The following NSUN7 variants were observed in gnomAD, a reference collection of about 807,000 sequenced individuals.
NSUN7 encodes the protein NOP2/Sun RNA methyltransferase family member 7, also known as protein NSUN7.
Under a neutral mutation model 58.5 loss-of-function variants are expected in NSUN7, and 39 were observed. The observed-to-expected ratio is 0.67, with a 90% CI of 0.52 to 0.87. NSUN7 has a LOEUF of 0.87. Ranked by LOEUF, NSUN7 falls within the 40% of genes least tolerant of loss-of-function variation. NSUN7 has a pLI of 0.00. For missense variants in NSUN7, 765 were observed against 844.1 expected, an observed-to-expected ratio of 0.91 and a Z score of 1.16; for synonymous variants, 278 against 303.7, an observed-to-expected ratio of 0.92 and a Z score of 0.88.
rs966494387 is a variant in NSUN7 at position 40,786,789 on chromosome 4, C to T, written c.1037-3813C>T. On this transcript the variant is annotated intron_variant, in intron 7 of 11. Transcript: ENST00000381782. ...TTGACAAATAGAAGAGTGTCTACAG[C>T]GTGGTTTGCCTGCCTGTCTGCCCTC... 44 of 1,410,584 alleles carry T rather than the reference C, an allele frequency of 3.1e-5. No individual in the cohort carries two copies. The East Asian group carries it at 5.1e-4, about 16-fold the overall frequency. The allele number at this position is 1,410,584 out of a possible 1,614,324, so 87.4% of individuals were successfully genotyped here.
chr4:40,799,667 T>C (rs190375110), intron 10 of NSUN7, among the ~76,000 whole-genome samples: 1 of 152,248 alleles, frequency 6.6e-6, no homozygotes, highest in Non-Finnish European at 1.5e-5. Context: ...AGAGTACATA[T>C]ATTGAAGATG....
intron 8 of NSUN7, among the ~76,000 whole-genome samples, chr4:40,791,262 A>G (rs1443119241): frequency 6.6e-6 from 1 of 152,244 alleles, no homozygotes; most frequent in Non-Finnish European, 1.5e-5. Context: ...TGAATGTCTC[A>G]GACTAAATAT....
At chr4:40,768,569 A>T (rs1186076083) in intron 4 of NSUN7, among the ~76,000 whole-genome samples, 1 of 152,188 alleles carries the variant, frequency 6.6e-6, no homozygotes, top group Admixed American at 6.5e-5. Flanking sequence ...CCTCCTTGTA[A>T]AAGTGGTTTG....
intron 10 of NSUN7, among the ~76,000 whole-genome samples, chr4:40,799,528 A>G (rs1041519291): frequency 6.6e-6 from 1 of 152,080 alleles, no homozygotes; most frequent in African/African-American, 2.4e-5. Context: ...GATATGGCAA[A>G]CGTGGAGGAA....
At position 40,763,654 on chromosome 4, in the gene NSUN7, A is replaced by G. The variant is rs1265876795; in HGVS notation, c.488+2353A>G. Among the ~76,000 whole-genome samples the G allele has an allele frequency of 2.6e-5, 4 of 152,166 alleles. No individual in the cohort carries two copies. The East Asian group carries it at 7.7e-4, about 29-fold the overall frequency. ...TGCTGGTGAGGAAAGTAGGAGTAGG[A>G]CAAGCAAAGGGCCTGGTTTAAGAGG... is the stretch of plus-strand genomic sequence containing the variant. On this transcript the variant is annotated intron_variant, in intron 4 of 11. Coordinates refer to ENST00000381782, the MANE Select transcript of NSUN7 (RefSeq NM_024677.6).
In NSUN7 at chr4:40,808,992, C is replaced by A. The variant is rs1744030816; in HGVS notation, c.*53C>A. On this transcript the variant is annotated 3_prime_UTR_variant, in exon 12 of 12. Coordinates refer to ENST00000381782, the MANE Select transcript of NSUN7 (RefSeq NM_024677.6). ...AGAGCAGTTGATTTTTTTTCAAAGT[C>A]TAGTATTTCTCTGAAGATTCTACAT... 2 of 1,439,486 alleles carry A rather than the reference C, an allele frequency of 1.4e-6. No individual in the cohort carries two copies. Among genetic ancestry groups the A allele is most frequent in the Admixed American group, 5.3e-5 (2 of 37,758 alleles). The allele number at this position is 1,439,486 out of a possible 1,614,324, so 89.2% of individuals were successfully genotyped here. A position where few individuals can be genotyped will look rare whatever the true frequency, so the allele number is the denominator to read the frequency against.
chr4:40,804,269 G>A (rs1375029916), intron 10 of NSUN7, among the ~76,000 whole-genome samples: 1 of 151,766 alleles, frequency 6.6e-6, no homozygotes, highest in Admixed American at 6.6e-5. Flanking sequence ...GCAAAACCCC[G>A]TCTCTACTAA....
At chr4:40,766,773 C>G (rs1301144020) in intron 4 of NSUN7, among the ~76,000 whole-genome samples, 3 of 151,484 alleles carry the variant, frequency 2.0e-5, no homozygotes, top group Non-Finnish European at 2.9e-5. Context: ...TGTTATTGGT[C>G]TATTCAGAGA....
chr4:40,784,688 G>A (rs1054524225), intron 7 of NSUN7, among the ~76,000 whole-genome samples: 1 of 152,172 alleles, frequency 6.6e-6, no homozygotes, highest in Non-Finnish European at 1.5e-5. Flanking sequence ...TGAAGAAAGT[G>A]TTGCAGAATT....
At chr4:40,805,015 G>A (rs975004284) in intron 10 of NSUN7, among the ~76,000 whole-genome samples, 7 of 152,118 alleles carry the variant, frequency 4.6e-5, no homozygotes, top group Non-Finnish European at 8.8e-5. Context: ...TAGCCTTCTG[G>A]TGGGTTTTCC....
At chr4:40,769,791 G>A (rs1340227385) in intron 4 of NSUN7, among the ~76,000 whole-genome samples, 9 of 152,070 alleles carry the variant, frequency 5.9e-5, no homozygotes, top group African/African-American at 1.9e-4. Context: ...CATTCTCTCC[G>A]CTCCTTCTTC....
Position 40,808,446 on chromosome 4 carries a change from G to T in NSUN7, c.1664G>T (p.Gly555Val). The T allele has an allele frequency of 1.9e-6, 3 of 1,604,966 alleles. No individual in the cohort carries two copies. Among genetic ancestry groups the T allele is most frequent in the South Asian group, 1.1e-5 (1 of 90,180 alleles). Residue 555 changes from glycine (G) to valine (V), a missense_variant, in exon 12 of 12, where the codon GGT (glycine) becomes GTT (valine). Transcript: ENST00000381782. ...AAATCAAAAACATCATTGACAAAAGGTGCCACTACTGATAATGGCATCCAA... is the reference window on the plus strand; with the variant it reads ...AAATCAAAAACATCATTGACAAAAGTTGCCACTACTGATAATGGCATCCAA... ...KKKSKTSLTK[G>V]ATTDNGIQMK...
Position 40,808,925 on chromosome 4 carries a change from C to G in NSUN7, c.2143C>G (p.Arg715Gly). The change falls in exon 12 of 12, where the codon CGG becomes GGG. Residue 715 changes from arginine to glycine, a missense_variant. Physicochemically the swap from Arg to Gly is moderately radical, Grantham distance 125 (BLOSUM62 -2). Transcript: ENST00000381782. Reference protein sequence around the residue: ...DTPSSLLRPPRRWL With the variant: ...DTPSSLLRPPGRWL ...ACCTTCCTCCCTACTCAGGCCTCCT[C>G]GGCGATGGCTTTGATTGTCTTGTGT... 3.3e-6 allele frequency: 5 copies of G among 1,521,192 alleles called. No homozygotes were observed. Among genetic ancestry groups the G allele is most frequent in the Non-Finnish European group, 4.4e-6 (5 of 1,135,296 alleles). 94.2% of individuals were successfully genotyped at this position (1,521,192 alleles called of 1,614,324 possible). A position where few individuals can be genotyped will look rare whatever the true frequency, so the allele number is the denominator to read the frequency against.
At chr4:40,754,642 G>C (rs957727295) in intron 2 of NSUN7, among the ~76,000 whole-genome samples, 1 of 152,194 alleles carries the variant, frequency 6.6e-6, no homozygotes, top group Non-Finnish European at 1.5e-5. Context: ...TATAGGAGCT[G>C]TAAAACTGCA....
intron 11 of NSUN7, among the ~76,000 whole-genome samples, 175 bp from the exon 12 acceptor site, chr4:40,808,132 A>T (rs1344053262): frequency 6.6e-6 from 1 of 150,608 alleles, no homozygotes; most frequent in African/African-American, 2.4e-5. Context: ...TTGTTTTTTT[A>T]AAAAGGCATT....
At chr4:40,785,548 A>T (rs1241823264) in intron 7 of NSUN7, among the ~76,000 whole-genome samples, 2 of 152,088 alleles carry the variant, frequency 1.3e-5, no homozygotes, top group Non-Finnish European at 2.9e-5. Context: ...TTTAGTAGAG[A>T]TAGGGTTTCA....
rs774422997 is a variant in NSUN7 at position 40,774,291 on chromosome 4, T to C, written c.515T>C (p.Leu172Ser). The change falls in exon 5 of 12, where the codon TTG (leucine) becomes TCG (serine). Residue 172 changes from leucine (L) to serine (S), a missense_variant. Physicochemically the swap from Leu to Ser is moderately radical, Grantham distance 145 (BLOSUM62 -2). Coordinates refer to ENST00000381782, the MANE Select transcript of NSUN7 (RefSeq NM_024677.6). ...NSFKIKLAAA[L>S]ARCRIKHDAL... ...TTTAAGATAAAATTGGCTGCAGCAT[T>C]GGCAAGATGTCGAATCAAGCATGAT... 1 of 1,614,134 alleles carries C rather than the reference T, an allele frequency of 6.2e-7. No homozygotes were observed. Among genetic ancestry groups the C allele is most frequent in the Non-Finnish European group, 8.5e-7 (1 of 1,179,984 alleles).
intron 4 of NSUN7, among the ~76,000 whole-genome samples, chr4:40,771,978 C>T (rs1008119124): frequency 6.6e-6 from 1 of 151,844 alleles, no homozygotes; most frequent in South Asian, 2.1e-4. Flanking sequence ...CACAAGATAG[C>T]ATACTTCATC....
intron 4 of NSUN7, among the ~76,000 whole-genome samples, chr4:40,767,245 C>G (rs1439253473): frequency 6.6e-6 from 1 of 152,184 alleles, no homozygotes; most frequent in Non-Finnish European, 1.5e-5. Context: ...CCTCTACACA[C>G]TGCTTTGAAT....
Sources: allele counts gnomAD v4.1 joint callset (sites outside exome capture counted in the v4.1 genomes callset), GRCh38; gene constraint gnomAD v4.1.1; transcripts MANE v1.5; gene names NCBI Gene and HGNC (gene_info 2026-07-23, HGNC 2026-07-21).